Variants in ARFGEF3 observed in about 807,000 individuals in gnomAD.
ARFGEF3 encodes brefeldin A-inhibited guanine nucleotide-exchange protein 3.
In ARFGEF3, 96 loss-of-function variants were observed where a neutral mutation model predicts 221.7. That is an observed-to-expected ratio of 0.43 (90% CI 0.37 to 0.51). The LOEUF (loss-of-function observed/expected upper bound fraction) is 0.51. ARFGEF3 is among the 20% of genes least tolerant of loss of function. The probability of loss-of-function intolerance (pLI) is 0.00; values close to 1 mark genes in which losing one functional copy is unlikely to be tolerated. For missense variants in ARFGEF3, 2,410 were observed against 2,789.9 expected (o/e 0.86, Z 3.07); for synonymous variants, 1,145 against 1,126.8 (o/e 1.02, Z -0.32).
chr6:138,164,978 A>G (rs1030924001), intron 1 of ARFGEF3, among the ~76,000 whole-genome samples: 1 of 150,874 alleles, frequency 6.6e-6, no homozygotes, highest in Non-Finnish European at 1.5e-5. Context: ...GTCATCCCCC[A>G]CTTAGACCCT....
At chr6:138,300,821 A>G (rs886913216) in intron 22 of ARFGEF3, among the ~76,000 whole-genome samples, 4 of 152,234 alleles carry the variant, frequency 2.6e-5, no homozygotes, top group Admixed American at 2.6e-4. Flanking sequence ...TAGATTAGTC[A>G]TAAGAGAAAA....
chr6:138,242,758 C>A (rs1051437496), intron 6 of ARFGEF3, among the ~76,000 whole-genome samples, 194 bp from the exon 7 acceptor site: 9 of 152,152 alleles, frequency 5.9e-5, no homozygotes, highest in African/African-American at 2.2e-4. Context: ...TTCCAGAGAT[C>A]ATAATCTGTC....
intron 12 of ARFGEF3, 53 bp downstream of exon 12, chr6:138,263,664 G>A: frequency 1.4e-6 from 2 of 1,439,194 alleles, no homozygotes; most frequent in Non-Finnish European, 1.9e-6. Flanking sequence ...AGAGCAGTTT[G>A]CCTTAATGGG....
intron 31 of ARFGEF3, among the ~76,000 whole-genome samples, chr6:138,327,194 G>A (rs1780140682): frequency 6.6e-6 from 1 of 152,142 alleles, no homozygotes; most frequent in African/African-American, 2.4e-5. Context: ...TGTGCAGTAA[G>A]CCACCATGAC....
intron 5 of ARFGEF3, among the ~76,000 whole-genome samples, chr6:138,236,237 G>T (rs78304060): frequency 3.4e-4 from 51 of 152,236 alleles, no homozygotes; most frequent in Middle Eastern, 3.4e-3. Context: ...CATCTGTAAT[G>T]CTTTTAAGGC....
Position 138,325,770 on chromosome 6 carries a change from G to A in ARFGEF3, c.5001+1616G>A, listed in dbSNP as rs867520144. On this transcript the variant is annotated intron_variant, in intron 31 of 33. Transcript: ENST00000251691. ...AAAGTCAATGGGATCTTCTGAAATA[G>A]ATCATCAATGGAGAAGAACAGCAAG... Among the ~76,000 whole-genome samples, 3 of 152,246 alleles carry A rather than the reference G, an allele frequency of 2.0e-5. No homozygotes were observed. In the South Asian group the frequency reaches 6.2e-4, roughly 31 times the overall value.
intron 7 of ARFGEF3, 29 bp from the exon 8 acceptor site, chr6:138,245,484 T>C (rs774879091): frequency 1.3e-6 from 2 of 1,554,508 alleles, no homozygotes; most frequent in East Asian, 2.3e-5. Flanking sequence ...TGTCGATGTC[T>C]CATGCCTGTA....
chr6:138,265,853 G>T (rs1334029913), intron 12 of ARFGEF3, among the ~76,000 whole-genome samples: 1 of 151,958 alleles, frequency 6.6e-6, no homozygotes, highest in Non-Finnish European at 1.5e-5. Flanking sequence ...AAGTGCAGTG[G>T]CTCAGCCTCC....
chr6:138,333,901 C>T, intron 32 of ARFGEF3, 69 bp from the exon 33 acceptor site: 1 of 1,502,100 alleles, frequency 6.7e-7, no homozygotes, highest in Non-Finnish European at 8.9e-7. Flanking sequence ...CGGGTAACGT[C>T]TATATTGCTT....
intron 6 of ARFGEF3, among the ~76,000 whole-genome samples, chr6:138,242,713 C>T (rs978798834): frequency 6.6e-6 from 1 of 152,156 alleles, no homozygotes; most frequent in Non-Finnish European, 1.5e-5. Flanking sequence ...TCCACACAAA[C>T]GTGACTGAAT....
At chr6:138,271,213 A>G (rs1778997813) in intron 12 of ARFGEF3, among the ~76,000 whole-genome samples, 1 of 152,106 alleles carries the variant, frequency 6.6e-6, no homozygotes, top group African/African-American at 2.4e-5. Flanking sequence ...TAATATAAAA[A>G]CCACACAAGA....
Position 138,298,578 on chromosome 6 carries a change from G to A in ARFGEF3, c.3649-28G>A, listed in dbSNP as rs372378671. The A allele has an allele frequency of 1.6e-5, 25 of 1,596,784 alleles. No individual in the cohort carries two copies. The African/African-American group carries it at 2.8e-4, about 18-fold the overall frequency. ...ATTCTCACTGTCTGCTGTCCTGATG[G>A]TGAGCCACTCTCTCGTGAATTTTGC... On this transcript the variant is annotated intron_variant, in intron 21 of 33. Transcript: ENST00000251691.
At chr6:138,304,592 G>A (rs919062420) in intron 22 of ARFGEF3, among the ~76,000 whole-genome samples, 1 of 152,142 alleles carries the variant, frequency 6.6e-6, no homozygotes, top group Non-Finnish European at 1.5e-5. Flanking sequence ...CGTGAATTCA[G>A]ATTCATCTTA....
At chr6:138,246,189 A>G (rs1171420854) in intron 8 of ARFGEF3, among the ~76,000 whole-genome samples, 2 of 152,190 alleles carry the variant, frequency 1.3e-5, no homozygotes, top group East Asian at 1.9e-4. Context: ...AAGACAACCT[A>G]TGCACCTGTA....
At chr6:138,234,637 G>C (rs950236040) in intron 5 of ARFGEF3, among the ~76,000 whole-genome samples, 1 of 152,128 alleles carries the variant, frequency 6.6e-6, no homozygotes, top group Admixed American at 6.5e-5. Context: ...ATGAAACTTA[G>C]ACTTACAGTG....
rs780477367 is a variant in ARFGEF3, at chr6:138,229,834, C to G, written c.402C>G (p.Ala134=). 2 of 1,613,540 alleles carry G rather than the reference C, an allele frequency of 1.2e-6. No homozygotes were observed. The highest frequency in any genetic ancestry group is 1.7e-6 in the Non-Finnish European group (2 of 1,179,666). Residue 134 remains alanine (A), a synonymous_variant, in exon 5 of 34, where the codon GCC becomes GCG. Transcript: ENST00000251691. ...YTPTFDLNGS[A]VLKIAEVCIE... ...CAACATTTGATCTGAATGGGAGTGC[C>G]GTGCTGAAGATCGCGGAGGTGAGTA...
At chr6:138,268,775 G>A (rs908458664) in intron 12 of ARFGEF3, among the ~76,000 whole-genome samples, 4 of 152,240 alleles carry the variant, frequency 2.6e-5, no homozygotes, top group South Asian at 2.1e-4. Context: ...TTAGAGTAGC[G>A]GTTTTCAGTT....
intron 7 of ARFGEF3, among the ~76,000 whole-genome samples, chr6:138,245,026 G>A (rs1015578739): frequency 5.3e-5 from 8 of 152,154 alleles, no homozygotes; most frequent in African/African-American, 1.7e-4. Context: ...TATAAGCCAG[G>A]CGCGGTGGTT....
At position 138,294,092 on chromosome 6, in the gene ARFGEF3, T is replaced by C; in HGVS notation, c.3468T>C (p.Val1156=). The C allele has an allele frequency of 6.2e-7, 1 of 1,614,016 alleles. No homozygotes were observed. ...KASQSQLFHS[V]TDTVDYSLAM... ...CGCAGTCTCAGCTTTTCCATTCTGT[T>C]ACAGATACAGTTGATTACTCTCTGG... is the stretch of plus-strand genomic sequence containing the variant. The change falls in exon 20 of 34, where the codon GTT becomes GTC. Residue 1156 remains valine, a synonymous_variant. Coordinates refer to ENST00000251691, the MANE Select transcript of ARFGEF3 (RefSeq NM_020340.5).
Sources: gnomAD v4.1 joint callset for allele counts (sites outside exome capture counted in the v4.1 genomes callset) on GRCh38, gnomAD v4.1.1 for gene constraint, MANE v1.5 for transcripts, NCBI Gene and HGNC (gene_info 2026-07-23, HGNC 2026-07-21) for gene names.